Variants in NUP205 observed in about 807,000 individuals in gnomAD.
NUP205 encodes the protein nuclear pore complex protein Nup205.
NUP205 carries 76 observed loss-of-function variants against 253.8 expected under a neutral mutation model. The observed-to-expected ratio is 0.30, with a 90% CI of 0.25 to 0.36. NUP205 has a LOEUF of 0.36. Among genes scored for constraint, NUP205 ranks in the 10% least tolerant of loss-of-function variants. The pLI is 1.00. For synonymous variants in NUP205, 832 were observed against 850.1 expected (o/e 0.98, Z 0.37); for missense variants, 2,162 against 2,425.5 (o/e 0.89, Z 2.28).
intron 28 of NUP205, 122 bp downstream of exon 28, chr7:135,618,725 A>G (rs1460586836): frequency 3.9e-6 from 3 of 760,112 alleles, no homozygotes; most frequent in Non-Finnish European, 6.3e-6. Flanking sequence ...TGCAATACCA[A>G]CGTTAAGACT....
At chr7:135,582,822 G>A (rs1487432015) in intron 7 of NUP205, among the ~76,000 whole-genome samples, 2 of 151,590 alleles carry the variant, frequency 1.3e-5, no homozygotes, top group Non-Finnish European at 2.9e-5. Context: ...CAGGCATGGC[G>A]ACTCATGCCT....
chr7:135,565,340 G>A (rs77996375), intron 1 of NUP205, among the ~76,000 whole-genome samples: 3,819 of 152,064 alleles, frequency 0.025, 80 homozygotes, highest in South Asian at 0.077. Context: ...TTTATACCAT[G>A]TGCCATTTGA....
rs1056975829 is a variant in NUP205, at chr7:135,606,792, A to T, written c.2947A>T (p.Thr983Ser). ...EKKLVAIRHE[T>S]RIHILNLLIT... is the part of the protein sequence containing the mutation. ...GAAATTAGTTGCAATTCGTCATGAA[A>T]CAAGAATCCACATCTTGAATCTTCT... Residue 983 changes from threonine to serine, a missense_variant, in exon 21 of 43, where the codon ACA becomes TCA. Physicochemically the swap from Thr to Ser is moderately conservative, Grantham distance 58. This residue lies in a region of NUP205 where 1,144 missense variants were observed against 1,280.9 expected (regional missense o/e 0.89). Coordinates refer to ENST00000285968, the MANE Select transcript of NUP205 (RefSeq NM_015135.3). 1.2e-6 allele frequency: 2 copies of T among 1,613,890 alleles called. No individual in the cohort carries two copies. The highest frequency in any genetic ancestry group is 1.7e-6 in the Non-Finnish European group (2 of 1,179,812).
chr7:135,623,751 T>C (rs1350559793), intron 31 of NUP205, among the ~76,000 whole-genome samples: 3 of 152,214 alleles, frequency 2.0e-5, no homozygotes, highest in African/African-American at 7.2e-5. Flanking sequence ...AAAAATAAAC[T>C]GGCATAACCT....
At position 135,587,879 on chromosome 7, in the gene NUP205, C is replaced by A; in HGVS notation, c.1360C>A (p.Pro454Thr). The change falls in exon 10 of 43, where the codon CCT (proline) becomes ACT (threonine). Residue 454 changes from proline to threonine, a missense_variant. Pro to Thr is a conservative substitution (Grantham distance 38). Around this residue, in one of 5 missense-constraint regions of NUP205, gnomAD observed 892 missense variants for 957.1 expected, o/e 0.93. Transcript: ENST00000285968. ...GATTGGCGAGCTATATAAAAAGAAC[C>A]CTTTTCATCTGGAGCTTGCTCTAGA... ...LLIGELYKKN[P>T]FHLELALEYW... 1 of 1,613,488 alleles carries A rather than the reference C, an allele frequency of 6.2e-7. No homozygotes were observed. The highest frequency in any genetic ancestry group is 8.5e-7 in the Non-Finnish European group (1 of 1,179,748).
intron 33 of NUP205, 95 bp downstream of exon 33, chr7:135,626,456 C>G: frequency 3.0e-6 from 4 of 1,353,052 alleles, no homozygotes; most frequent in Non-Finnish European, 4.0e-6. Context: ...CTTAGCAATT[C>G]TCTTTCATCT....
At position 135,645,592 on chromosome 7, in the gene NUP205, G is replaced by A. The variant is rs771666153; in HGVS notation, c.5808G>A (p.Leu1936=). ...ASRTLFKSRR[L]QDSFASETNL... Reference sequence around the variant, plus strand: ...GAACCTTGTTTAAAAGCAGAAGACTGCAAGGTAAACTTTCTGCTAAAAATT... The same window carrying A: ...GAACCTTGTTTAAAAGCAGAAGACTACAAGGTAAACTTTCTGCTAAAAATT... The change falls in exon 41 of 43, where the codon CTG becomes CTA. Residue 1936 remains leucine (L), a synonymous_variant. Coordinates refer to ENST00000285968, the MANE Select transcript of NUP205 (RefSeq NM_015135.3). The A allele has an allele frequency of 6.2e-6, 10 of 1,612,208 alleles. No homozygotes were observed. The highest frequency in any genetic ancestry group is 8.5e-6 in the Non-Finnish European group (10 of 1,179,572).
chr7:135,637,078 T>C (rs980814500), intron 36 of NUP205, among the ~76,000 whole-genome samples: 1 of 152,246 alleles, frequency 6.6e-6, no homozygotes, highest in Admixed American at 6.5e-5. Flanking sequence ...TCTAAATCTG[T>C]ATATTGTATT....
chr7:135,576,375 T>C lies in NUP205; in HGVS notation c.449T>C (p.Ile150Thr). Residue 150 changes from isoleucine to threonine, a missense_variant, in exon 4 of 43, where the codon ATA (isoleucine) becomes ACA (threonine). Physicochemically the swap from Ile to Thr is moderately conservative, Grantham distance 89. Transcript: ENST00000285968. ...RCIANSLKAL[I>T]QSRRGKTWTL... ...ATTGCGAATTCCTTGAAAGCCTTGA[T>C]ACAGTCTAGACGGGGAAAGACATGG... is the stretch of plus-strand genomic sequence containing the variant. 1 of 1,613,944 alleles carries C rather than the reference T, an allele frequency of 6.2e-7. No homozygotes were observed. The highest frequency in any genetic ancestry group is 8.5e-7 in the Non-Finnish European group (1 of 1,179,900).
At chr7:135,618,376 C>T in intron 27 of NUP205, 36 bp from the exon 28 acceptor site, 2 of 1,560,638 alleles carry the variant, frequency 1.3e-6, no homozygotes, top group Middle Eastern at 1.7e-4. Flanking sequence ...TCTTATTTGC[C>T]TGTTTAACCT....
intron 36 of NUP205, among the ~76,000 whole-genome samples, chr7:135,637,045 G>A (rs1794822911): frequency 6.6e-6 from 1 of 152,140 alleles, no homozygotes; most frequent in Admixed American, 6.5e-5. Flanking sequence ...TGTGTATTAT[G>A]TACGTGTATA....
At chr7:135,625,636 A>G (rs1794574277) in intron 32 of NUP205, among the ~76,000 whole-genome samples, 1 of 152,186 alleles carries the variant, frequency 6.6e-6, no homozygotes, top group African/African-American at 2.4e-5. Flanking sequence ...ACAGAGCAAA[A>G]TTGTCCTCTC....
chr7:135,612,716 T>C (rs1230991242), intron 22 of NUP205, among the ~76,000 whole-genome samples: 4 of 152,214 alleles, frequency 2.6e-5, no homozygotes, highest in Non-Finnish European at 5.9e-5. Context: ...GTATTGATTT[T>C]GGGATTTTAA....
intron 11 of NUP205, 96 bp from the exon 12 acceptor site, chr7:135,592,890 AG>A: frequency 1.0e-6 from 1 of 955,554 alleles, no homozygotes; most frequent in Non-Finnish European, 1.6e-6. Flanking sequence ...ATCTCAAAAA[AG>A]AAAAAAGTAT....
intron 18 of NUP205, among the ~76,000 whole-genome samples, chr7:135,604,011 T>C (rs932074118): frequency 6.6e-6 from 1 of 152,194 alleles, no homozygotes; most frequent in African/African-American, 2.4e-5. Flanking sequence ...TGTGTTTGTG[T>C]CTGAATTTAC....
chr7:135,584,669 G>T (rs1806407296), intron 7 of NUP205, among the ~76,000 whole-genome samples, 163 bp from the exon 8 acceptor site: 2 of 152,106 alleles, frequency 1.3e-5, no homozygotes, highest in African/African-American at 4.8e-5. Flanking sequence ...AGTTCTTTAG[G>T]GTTTATGAGT....
At chr7:135,577,697 G>GT (rs891150393) in intron 5 of NUP205, 99 bp from the exon 6 acceptor site, 6 of 854,378 alleles carry the variant, frequency 7.0e-6, no homozygotes, top group South Asian at 3.5e-5. Context: ...ATTTTGATAG[G>GT]TTTTTTTATT....
rs1188412541 is a variant in NUP205 at position 135,577,732 on chromosome 7, C to G, written c.649-64C>G. The G allele has an allele frequency of 6.4e-6, 8 of 1,252,932 alleles. No individual in the cohort carries two copies. The Admixed American group carries it at 1.5e-4, about 24-fold the overall frequency. 77.6% of individuals were successfully genotyped at this position (1,252,932 alleles called of 1,614,324 possible). On this transcript the variant is annotated intron_variant, in intron 5 of 42. Coordinates refer to ENST00000285968, the MANE Select transcript of NUP205 (RefSeq NM_015135.3). ...TAGCCTTTGTAAAAGGTAGTTTGTA[C>G]TTTGGAATAAGACCAGGCTTCACTG...
Position 135,578,791 on chromosome 7 carries a change from C to A in NUP205, c.918C>A (p.Tyr306Ter). The change falls in exon 7 of 43, where the codon TAC becomes TAA. Residue 306 changes from tyrosine (Y) to a stop codon, truncating the protein, a stop_gained. Coordinates refer to ENST00000285968, the MANE Select transcript of NUP205 (RefSeq NM_015135.3). LOFTEE classifies it high-confidence loss of function. ...TTCCACTGTTGACAGAAAAACAGTA[C>A]ATTGCAACAATTCACTCTCGTCTTC... ...HQLPLLTEKQ[Y>*]IATIHSRLQD... The A allele has an allele frequency of 6.2e-7, 1 of 1,609,104 alleles. No homozygotes were observed. The highest frequency in any genetic ancestry group is 1.1e-5 in the South Asian group (1 of 90,302).
Sources: gnomAD v4.1 joint callset for allele counts (sites outside exome capture counted in the v4.1 genomes callset) on GRCh38, gnomAD v4.1.1 for gene constraint, gnomAD v4.1.1 regional missense constraint, MANE v1.5 for transcripts, NCBI Gene and HGNC (gene_info 2026-07-23, HGNC 2026-07-21) for gene names.